GRIN2B: variants seen among roughly 807,000 people sequenced by gnomAD.
GRIN2B encodes glutamate receptor ionotropic, NMDA 2B.
GRIN2B carries 5 observed loss-of-function variants against 114.5 expected under a neutral mutation model. The observed-to-expected ratio is 0.04, with a 90% confidence interval of 0.02 to 0.09. The LOEUF (loss-of-function observed/expected upper bound fraction) is 0.09, where lower values mean the gene tolerates loss of function less well. Among genes scored for constraint, GRIN2B ranks in the 10% least tolerant of loss-of-function variants. The pLI is 1.00. For synonymous variants in GRIN2B, 787 were observed against 745.1 expected (o/e 1.06, Z -0.92); for missense variants, 1,108 against 1,943.5 (o/e 0.57, Z 8.08).
intron 2 of GRIN2B, among the ~76,000 whole-genome samples, chr12:13,939,090 AT>A (rs1867184338): frequency 1.3e-5 from 2 of 152,166 alleles, no homozygotes; most frequent in African/African-American, 4.8e-5. Flanking sequence ...TAGTCTTTGA[AT>A]TACCATCCAA....
chr12:13,752,835 T>C (rs1490414654), intron 4 of GRIN2B, among the ~76,000 whole-genome samples: 3 of 152,206 alleles, frequency 2.0e-5, no homozygotes, highest in Non-Finnish European at 4.4e-5. Context: ...CTTACTACAA[T>C]ACGGCAACAT....
intron 4 of GRIN2B, among the ~76,000 whole-genome samples, chr12:13,679,229 G>T (rs905510357): frequency 6.6e-6 from 1 of 152,086 alleles, no homozygotes; most frequent in Non-Finnish European, 1.5e-5. Flanking sequence ...ATTTCAGAAG[G>T]CAATTACAAA....
rs1453635626 is a variant in GRIN2B at position 13,558,082 on chromosome 12, C to T, written c.*4701G>A. ...TGACTATTCACTTTCAGCTGCTTCT[C>T]CTCCATGAAGAGCTCCTTAAACAGG... On this transcript the variant is annotated 3_prime_UTR_variant, in exon 14 of 14. Transcript: ENST00000609686. 2.0e-5 allele frequency: 3 copies of T among 152,210 alleles called. No individual in the cohort carries two copies. Among genetic ancestry groups the T allele is most frequent in the Non-Finnish European group, 2.9e-5 (2 of 68,060 alleles). 9.4% of individuals were successfully genotyped at this position (152,210 alleles called of 1,614,324 possible). A position where few individuals can be genotyped will look rare whatever the true frequency, so the allele number is the denominator to read the frequency against.
chr12:13,724,072 G>T (rs776154175), intron 4 of GRIN2B, among the ~76,000 whole-genome samples: 1 of 152,204 alleles, frequency 6.6e-6, no homozygotes, highest in Non-Finnish European at 1.5e-5. Flanking sequence ...GGCAAGAAAA[G>T]CTCCTCCCCT....
At chr12:13,692,172 T>C (rs1950220022) in intron 4 of GRIN2B, among the ~76,000 whole-genome samples, 1 of 152,150 alleles carries the variant, frequency 6.6e-6, no homozygotes, top group Admixed American at 6.5e-5. Context: ...GAATATACTT[T>C]TTTATTTTCC....
chr12:13,552,676 A>G lies in GRIN2B; in HGVS notation c.*10107T>C, dbSNP rs990230332. 1 of 152,100 alleles carries G rather than the reference A, an allele frequency of 6.6e-6. No homozygotes were observed. Among genetic ancestry groups the G allele is most frequent in the African/African-American group, 2.4e-5 (1 of 41,406 alleles). The allele number at this position is 152,100 out of a possible 1,614,324, so 9.4% of individuals were successfully genotyped here. On this transcript the variant is annotated 3_prime_UTR_variant, in exon 14 of 14. Transcript: ENST00000609686. ...TTCATCAGCTAAAAAAAAAAGTCTCATAGTATAATGAAATGGGTTTTGCTC... is the reference window on the plus strand; with the variant it reads ...TTCATCAGCTAAAAAAAAAAGTCTCGTAGTATAATGAAATGGGTTTTGCTC...
chr12:13,547,959 G>GTATATATATATATA lies in GRIN2B; in HGVS notation c.*14810_*14823dup, dbSNP rs1555098068. 1.1e-5 allele frequency: 1 copy of GTATATATATATATA among 91,478 alleles called. No homozygotes were observed. The highest frequency in any genetic ancestry group is 2.2e-5 in the Non-Finnish European group (1 of 46,254). 5.7% of individuals were successfully genotyped at this position (91,478 alleles called of 1,614,324 possible). On this transcript the variant is annotated 3_prime_UTR_variant, in exon 14 of 14. Transcript: ENST00000609686. ...TATGTATGTATGTATGTATGTGTGTGTATATATATATATATATATATATTT... is the reference window on the plus strand; with the variant it reads ...TATGTATGTATGTATGTATGTGTGTGTATATATATATATATATATATATATATATATATATATTT...
chr12:13,953,038 C>G (rs1363250985), intron 2 of GRIN2B, among the ~76,000 whole-genome samples: 3 of 151,696 alleles, frequency 2.0e-5, no homozygotes, highest in African/African-American at 7.3e-5. Flanking sequence ...TGAGAAGACC[C>G]AAGCATCTGG....
intron 5 of GRIN2B, among the ~76,000 whole-genome samples, chr12:13,660,000 G>T (rs1949905179): frequency 1.3e-5 from 2 of 152,154 alleles, no homozygotes; most frequent in Non-Finnish European, 2.9e-5. Context: ...CAGCGGGCAG[G>T]CCCCAGTCCT....
intron 10 of GRIN2B, 46 bp from the exon 11 acceptor site, chr12:13,572,010 G>A: frequency 7.0e-7 from 1 of 1,436,222 alleles, no homozygotes; most frequent in Non-Finnish European, 9.7e-7. Flanking sequence ...GATGGAGGGA[G>A]AGAGAGAGAG....
intron 3 of GRIN2B, among the ~76,000 whole-genome samples, chr12:13,775,052 T>C (rs1863979045): frequency 1.3e-5 from 2 of 152,068 alleles, no homozygotes; most frequent in Admixed American, 1.3e-4. Flanking sequence ...TTCATGGGAT[T>C]AGAGGCCAAT....
intron 2 of GRIN2B, among the ~76,000 whole-genome samples, chr12:13,873,926 T>C (rs1865953023): frequency 6.6e-6 from 1 of 152,192 alleles, no homozygotes; most frequent in Admixed American, 6.5e-5. Flanking sequence ...AGCTGTTTCT[T>C]GGAAAATATT....
chr12:13,575,673 C>CAAT (rs58985272), intron 10 of GRIN2B, among the ~76,000 whole-genome samples: 8,330 of 147,624 alleles, frequency 0.056, 303 homozygotes, highest in East Asian at 0.18. Context: ...ATGATAACAA[C>CAAT]AATAATAATA....
intron 2 of GRIN2B, among the ~76,000 whole-genome samples, chr12:13,951,787 C>T (rs968169416): frequency 6.6e-6 from 1 of 152,104 alleles, no homozygotes; most frequent in African/African-American, 2.4e-5. Context: ...AAACCACAGC[C>T]CTAATAGCAA....
intron 10 of GRIN2B, among the ~76,000 whole-genome samples, chr12:13,599,520 T>G (rs143875506): frequency 1.3e-5 from 2 of 152,328 alleles, no homozygotes; most frequent in African/African-American, 4.8e-5. Flanking sequence ...GGACTCGAAC[T>G]TAGTTGTTCA....
chr12:13,543,008 T>G lies in GRIN2B; in HGVS notation c.*19775A>C, dbSNP rs117210181. ...CCATAAAATCCAGCTTTGATGCACA[T>G]CAGACTAGGCTAGCTGCACCCCTTA... is the stretch of plus-strand genomic sequence containing the variant. On this transcript the variant is annotated 3_prime_UTR_variant, in exon 14 of 14. Transcript: ENST00000609686. 6.6e-6 allele frequency: 1 copy of G among 152,232 alleles called. No homozygotes were observed. The highest frequency in any genetic ancestry group is 1.9e-4 in the East Asian group (1 of 5,184). The allele number at this position is 152,232 out of a possible 1,614,324, so 9.4% of individuals were successfully genotyped here. A position where few individuals can be genotyped will look rare whatever the true frequency, so the allele number is the denominator to read the frequency against.
intron 3 of GRIN2B, among the ~76,000 whole-genome samples, chr12:13,796,094 A>AT (rs948854572): frequency 6.6e-6 from 1 of 151,578 alleles, no homozygotes; most frequent in Non-Finnish European, 1.5e-5. Context: ...AAAAAAAAAA[A>AT]AAAGAAACAG....
chr12:13,553,874 T>C lies in GRIN2B; in HGVS notation c.*8909A>G, dbSNP rs1948446830. On this transcript the variant is annotated 3_prime_UTR_variant, in exon 14 of 14. Coordinates refer to ENST00000609686, the MANE Select transcript of GRIN2B (RefSeq NM_000834.5). Reference sequence around the variant, plus strand: ...CACATGTAGTGTTCCAAGTACACTTTCCTAACCATAAAACAGTCCAAAACA... The same window carrying C: ...CACATGTAGTGTTCCAAGTACACTTCCCTAACCATAAAACAGTCCAAAACA... 1 of 152,150 alleles carries C rather than the reference T, an allele frequency of 6.6e-6. No homozygotes were observed. Among genetic ancestry groups the C allele is most frequent in the Admixed American group, 6.5e-5 (1 of 15,276 alleles). The allele number at this position is 152,150 out of a possible 1,614,324, so 9.4% of individuals were successfully genotyped here. A position where few individuals can be genotyped will look rare whatever the true frequency, so the allele number is the denominator to read the frequency against.
At position 13,563,720 on chromosome 12, in the gene GRIN2B, C is replaced by T; in HGVS notation, c.3518G>A (p.Cys1173Tyr). Residue 1173 changes from cysteine (C) to tyrosine (Y), a missense_variant, in exon 14 of 14, where the codon TGT becomes TAT. By Grantham distance (194) the Cys-to-Tyr change is radical (BLOSUM62 -2). Transcript: ENST00000609686. ...GTGCTTGATGTGAGACCTGTTGGTA[C>T]AGGGCCCTCCTCCGCTGACGGAGTC... ...KRDSVSGGGP[C>Y]TNRSHIKHGT... 6.2e-7 allele frequency: 1 copy of T among 1,613,670 alleles called. No individual in the cohort carries two copies. The highest frequency in any genetic ancestry group is 8.5e-7 in the Non-Finnish European group (1 of 1,179,994).
Sources: gnomAD v4.1 joint callset for allele counts (sites outside exome capture counted in the v4.1 genomes callset) on GRCh38, gnomAD v4.1.1 for gene constraint, MANE v1.5 for transcripts, NCBI Gene and HGNC (gene_info 2026-07-23, HGNC 2026-07-21) for gene names.